Variants in BLK observed in about 807,000 individuals in gnomAD.
The protein encoded by BLK is tyrosine-protein kinase Blk.
In BLK, 64 loss-of-function variants were observed where a neutral mutation model predicts 61.8. That is an observed-to-expected ratio of 1.03 (90% CI 0.85 to 1.27). The LOEUF is 1.27. Among genes scored for constraint, BLK ranks in the 50% most tolerant of loss-of-function variants. BLK has a pLI of 0.00. For missense variants in BLK, 853 were observed against 660.5 expected (o/e 1.29, Z -3.19); for synonymous variants, 351 against 272.0 (o/e 1.29, Z -2.86).
chr8:11,508,966 C>G (rs1248407299), intron 1 of BLK, among the ~76,000 whole-genome samples: 1 of 152,132 alleles, frequency 6.6e-6, no homozygotes, highest in Non-Finnish European at 1.5e-5. Context: ...ATCAATTCCC[C>G]CCAGCTGCAG....
chr8:11,502,195 T>A (rs1336618942), intron 1 of BLK, among the ~76,000 whole-genome samples: 1 of 152,256 alleles, frequency 6.6e-6, no homozygotes, highest in Admixed American at 6.5e-5. Context: ...TGATGAGGTT[T>A]AAGTATTTAT....
intron 1 of BLK, among the ~76,000 whole-genome samples, chr8:11,533,488 G>C (rs2117390134): frequency 6.6e-6 from 1 of 152,262 alleles, no homozygotes; most frequent in East Asian, 1.9e-4. Flanking sequence ...ATCTGGGTAA[G>C]ATACGTGTGA....
chr8:11,512,607 G>A (rs1327638146), intron 1 of BLK, among the ~76,000 whole-genome samples: 1 of 152,172 alleles, frequency 6.6e-6, no homozygotes, highest in Non-Finnish European at 1.5e-5. Context: ...AGCCATTGAG[G>A]CTCAGAGAGA....
chr8:11,560,182 C>G (rs13278772), intron 10 of BLK, among the ~76,000 whole-genome samples: 1,281 of 40,492 alleles, frequency 0.032, 22 homozygotes, highest in East Asian at 0.12. Context: ...TGGATGGATG[C>G]ATGGATGGAT....
At chr8:11,552,425 A>T (rs2117514264) in intron 6 of BLK, 1 of 152,342 alleles carries the variant, frequency 6.6e-6, no homozygotes, top group Non-Finnish European at 1.5e-5. Flanking sequence ...CATATTGGAT[A>T]TTGTCACTAT....
intron 1 of BLK, among the ~76,000 whole-genome samples, chr8:11,536,466 C>G (rs7002570): frequency 0.056 from 8,500 of 152,294 alleles, 266 homozygotes; most frequent in African/African-American, 0.061. Context: ...TCTTGGCTCA[C>G]TGCAACCTCC....
chr8:11,527,401 A>G (rs1799700875), intron 1 of BLK, among the ~76,000 whole-genome samples: 1 of 151,386 alleles, frequency 6.6e-6, no homozygotes. Context: ...TTCTGTTCAT[A>G]CCCCTTATGC....
chr8:11,562,895 C>T, intron 11 of BLK, 84 bp from the exon 12 acceptor site: 1 of 1,587,786 alleles, frequency 6.3e-7, no homozygotes, highest in South Asian at 1.1e-5. Context: ...GATGGAAGGA[C>T]AGCAGGAGCA....
intron 2 of BLK, among the ~76,000 whole-genome samples, chr8:11,545,125 T>C (rs1203293676): frequency 2.6e-5 from 4 of 152,396 alleles, no homozygotes; most frequent in African/African-American, 7.2e-5. Context: ...ACTGGGGTTG[T>C]GGCTCCGTGT....
intron 11 of BLK, 90 bp downstream of exon 11, chr8:11,561,542 T>G: frequency 6.6e-7 from 1 of 1,511,212 alleles, no homozygotes; most frequent in Middle Eastern, 1.7e-4. Context: ...AGCACAGCCC[T>G]GAGGGAAGAC....
intron 1 of BLK, among the ~76,000 whole-genome samples, chr8:11,523,671 T>C (rs1799541376): frequency 6.6e-6 from 1 of 152,202 alleles, no homozygotes. Flanking sequence ...GTCTTCCATA[T>C]CATTGACAAA....
At position 11,554,991 on chromosome 8, in the gene BLK, A is replaced by G. The variant is rs1312023021; in HGVS notation, c.619+102A>G. Reference sequence around the variant, plus strand: ...TGAGTCATTGGTGCCACCTTGGGGGATGGAAAGATTATCCCAAAGTTAGGC... The same window carrying G: ...TGAGTCATTGGTGCCACCTTGGGGGGTGGAAAGATTATCCCAAAGTTAGGC... On this transcript the variant is annotated intron_variant, in intron 7 of 12. Transcript: ENST00000259089. 5.3e-6 allele frequency: 8 copies of G among 1,506,810 alleles called. No homozygotes were observed. In the African/African-American group the frequency reaches 9.7e-5, roughly 18 times the overall value. 93.3% of individuals were successfully genotyped at this position (1,506,810 alleles called of 1,614,324 possible).
chr8:11,501,659 C>T (rs61368879), intron 1 of BLK, among the ~76,000 whole-genome samples: 4,823 of 152,218 alleles, frequency 0.032, 228 homozygotes, highest in African/African-American at 0.11. Flanking sequence ...TCCTAAATAC[C>T]GCAGAGGTGA....
At chr8:11,519,946 G>A (rs1799375023) in intron 1 of BLK, among the ~76,000 whole-genome samples, 1 of 152,108 alleles carries the variant, frequency 6.6e-6, no homozygotes, top group Admixed American at 6.5e-5. Context: ...GGGGTTCTGG[G>A]AAACGTTTTC....
At chr8:11,512,589 A>G (rs910518903) in intron 1 of BLK, among the ~76,000 whole-genome samples, 1 of 152,222 alleles carries the variant, frequency 6.6e-6, no homozygotes, top group African/African-American at 2.4e-5. Context: ...CCTCTACTTT[A>G]TAGATAAAGC....
intron 2 of BLK, among the ~76,000 whole-genome samples, chr8:11,545,557 A>G (rs1475725972): frequency 6.6e-6 from 1 of 152,152 alleles, no homozygotes; most frequent in Non-Finnish European, 1.5e-5. Flanking sequence ...TCAAAAAAAA[A>G]TTGTTTATGT....
chr8:11,519,642 A>G (rs1281536748), intron 1 of BLK, among the ~76,000 whole-genome samples: 1 of 152,164 alleles, frequency 6.6e-6, no homozygotes, highest in Non-Finnish European at 1.5e-5. Flanking sequence ...CTTTATTTAC[A>G]TTTTCTAATT....
chr8:11,516,646 C>T (rs991168263), intron 1 of BLK, among the ~76,000 whole-genome samples: 16 of 152,306 alleles, frequency 1.1e-4, no homozygotes, highest in South Asian at 8.3e-4. Flanking sequence ...ATGAATTGGG[C>T]TACTTTAGGG....
At chr8:11,550,936 T>G (rs1206103883) in intron 6 of BLK, among the ~76,000 whole-genome samples, 1 of 152,204 alleles carries the variant, frequency 6.6e-6, no homozygotes, top group African/African-American at 2.4e-5. Context: ...CAAATCCCTG[T>G]GTAATGACAG....
Sources: gnomAD v4.1 joint callset for allele counts (sites outside exome capture counted in the v4.1 genomes callset) on GRCh38, gnomAD v4.1.1 for gene constraint, MANE v1.5 for transcripts, NCBI Gene and HGNC (gene_info 2026-07-23, HGNC 2026-07-21) for gene names.